Variants in FCAR observed in about 807,000 individuals in gnomAD.
FCAR encodes the protein immunoglobulin alpha Fc receptor.
In FCAR, 21 loss-of-function variants were observed where a neutral mutation model predicts 27.1. That is an observed-to-expected ratio of 0.77 (90% CI 0.55 to 1.11). The LOEUF (loss-of-function observed/expected upper bound fraction) is 1.11. Among genes scored for constraint, FCAR ranks in the 50% most tolerant of loss-of-function variants. FCAR has a pLI of 0.00. For missense variants in FCAR, 404 were observed against 358.4 expected (o/e 1.13, Z -1.03); for synonymous variants, 134 against 135.8 (o/e 0.99, Z 0.09).
At chr19:54,885,127 A>T in intron 2 of FCAR, 108 bp from the exon 3 acceptor site, 3 of 989,964 alleles carry the variant, frequency 3.0e-6, no homozygotes, top group Non-Finnish European at 4.4e-6. Flanking sequence ...TTAAATAAAG[A>T]ATGGTAGGTT....
intron 2 of FCAR, among the ~76,000 whole-genome samples, chr19:54,877,918 TG>T (rs949585910): frequency 1.2e-4 from 18 of 149,126 alleles, no homozygotes; most frequent in Non-Finnish European, 2.2e-4. Context: ...TGCTAAGGAT[TG>T]TTTTTTTTTT....
intron 2 of FCAR, among the ~76,000 whole-genome samples, chr19:54,878,246 T>A (rs965195161): frequency 6.6e-6 from 1 of 152,188 alleles, no homozygotes; most frequent in African/African-American, 2.4e-5. Context: ...TCTGATTGTA[T>A]GATTGACTTT....
Position 54,887,905 on chromosome 19 carries a change from G to A in FCAR, c.362-102G>A, listed in dbSNP as rs1004210811. The A allele has an allele frequency of 5.1e-5, 49 of 959,374 alleles. 1 individual carries two copies. The highest frequency in any genetic ancestry group is 6.6e-5 in the Non-Finnish European group (45 of 681,974). The allele number at this position is 959,374 out of a possible 1,614,324, so 59.4% of individuals were successfully genotyped here. The stretch of plus-strand genomic sequence containing the variant: ...GCACTCCAGCTTGGGCAATAAGAGC[G>A]AAACTCCATCTCAAAAAAATATATA... On this transcript the variant is annotated intron_variant, in intron 3 of 4. Transcript: ENST00000355524.
chr19:54,882,232 C>G (rs913016862), intron 2 of FCAR, among the ~76,000 whole-genome samples: 4 of 152,164 alleles, frequency 2.6e-5, no homozygotes, highest in African/African-American at 9.7e-5. Flanking sequence ...AAAAAGAATT[C>G]TGGGAACTCA....
At chr19:54,883,734 T>A (rs1358029617) in intron 2 of FCAR, among the ~76,000 whole-genome samples, 2 of 151,758 alleles carry the variant, frequency 1.3e-5, no homozygotes, top group Admixed American at 6.6e-5. Flanking sequence ...ATGGGCAGAT[T>A]GCGAAGTCAG....
At chr19:54,881,767 G>T (rs1275716475) in intron 2 of FCAR, among the ~76,000 whole-genome samples, 3 of 152,154 alleles carry the variant, frequency 2.0e-5, no homozygotes, top group African/African-American at 7.2e-5. Flanking sequence ...AGCTACTCGG[G>T]AGGAGGATGA....
Position 54,887,990 on chromosome 19 carries a change from ACT to A in FCAR, c.362-14_362-13del. On this transcript the variant is annotated splice_polypyrimidine_tract_variant and intron_variant, in intron 3 of 4. Transcript: ENST00000355524. Reference sequence around the variant, plus strand: ...GGAGAAAAGGTCTTTCTAATAGCTCACTCTTTTCTCTCTTAGGCTTGTATGGC... The same window carrying A: ...GGAGAAAAGGTCTTTCTAATAGCTCACTTTTCTCTCTTAGGCTTGTATGGC... 1.3e-6 allele frequency: 2 copies of A among 1,577,452 alleles called. No homozygotes were observed. The highest frequency in any genetic ancestry group is 1.7e-6 in the Non-Finnish European group (2 of 1,159,812).
At position 54,883,552 on chromosome 19, in the gene FCAR, C is replaced by T. The variant is rs138062804; in HGVS notation, c.71-1683C>T. ...AAATCAGGTGTTTCACCCCTCTGAA[C>T]GTTCTGAGAATGAGGGCTCCTCACG... On this transcript the variant is annotated intron_variant, in intron 2 of 4. Coordinates refer to ENST00000355524, the MANE Select transcript of FCAR (RefSeq NM_002000.4). 7.9e-5 allele frequency among the ~76,000 whole-genome samples: 12 copies of T among 152,264 alleles called. No homozygotes were observed. In the East Asian group the frequency reaches 2.3e-3, roughly 29 times the overall value.
chr19:54,875,887 A>G (rs374719231), intron 2 of FCAR, among the ~76,000 whole-genome samples: 1 of 152,130 alleles, frequency 6.6e-6, no homozygotes, highest in Admixed American at 6.5e-5. Context: ...ACGTCCATCC[A>G]TGTCTTCTCT....
chr19:54,881,866 G>C (rs1229722339), intron 2 of FCAR, among the ~76,000 whole-genome samples: 1 of 146,940 alleles, frequency 6.8e-6, no homozygotes, highest in Non-Finnish European at 1.5e-5. Flanking sequence ...GGGCGACAGA[G>C]CGAGACTCCG....
chr19:54,880,130 A>T (rs889244379), intron 2 of FCAR, among the ~76,000 whole-genome samples: 2 of 152,194 alleles, frequency 1.3e-5, no homozygotes, highest in African/African-American at 4.8e-5. Context: ...AGTTTTCATG[A>T]ACAATACACT....
At chr19:54,877,570 CT>C (rs1337288345) in intron 2 of FCAR, among the ~76,000 whole-genome samples, 1 of 152,064 alleles carries the variant, frequency 6.6e-6, no homozygotes, top group African/African-American at 2.4e-5. Flanking sequence ...CTTCTGAATG[CT>C]TTTTCGTGTC....
chr19:54,884,877 G>A (rs2066615312), intron 2 of FCAR, among the ~76,000 whole-genome samples: 1 of 151,798 alleles, frequency 6.6e-6, no homozygotes, highest in Admixed American at 6.6e-5. Context: ...TGTGATCTCG[G>A]CTCACTGCAA....
chr19:54,877,755 C>G (rs2066175764), intron 2 of FCAR, among the ~76,000 whole-genome samples: 1 of 152,174 alleles, frequency 6.6e-6, no homozygotes, highest in Non-Finnish European at 1.5e-5. Flanking sequence ...CCCCTTAACA[C>G]TGCCTTAGCT....
At chr19:54,886,550 G>T (rs1024428601) in intron 3 of FCAR, among the ~76,000 whole-genome samples, 2 of 151,858 alleles carry the variant, frequency 1.3e-5, no homozygotes, top group South Asian at 4.2e-4. Flanking sequence ...CTCGTGATCC[G>T]CCCGCCTGGC....
chr19:54,887,197 T>C (rs59401716), intron 3 of FCAR, among the ~76,000 whole-genome samples: 48,140 of 151,708 alleles, frequency 0.32, 7,907 homozygotes, highest in Admixed American at 0.44. Flanking sequence ...GTAGTCTCAG[T>C]TACTTGAGAG....
At chr19:54,878,855 A>G (rs781035286) in intron 2 of FCAR, among the ~76,000 whole-genome samples, 5 of 142,430 alleles carry the variant, frequency 3.5e-5, no homozygotes, top group Non-Finnish European at 7.5e-5. Flanking sequence ...TCTTATAGGC[A>G]GCATAATGTT....
chr19:54,885,322 G>T lies in FCAR; in HGVS notation c.158G>T (p.Arg53Leu). ...GTGAAAATCCAGTGCCAGGCCATTC[G>T]TGAAGCTTACCTGACCCAGCTGATG... ...GSVKIQCQAIREAYLTQLMII... is the reference protein window; with the variant it reads ...GSVKIQCQAILEAYLTQLMII... The change falls in exon 3 of 5, where the codon CGT (arginine) becomes CTT (leucine). Residue 53 changes from arginine to leucine, a missense_variant. By Grantham distance (102) the Arg-to-Leu change is moderately radical. Coordinates refer to ENST00000355524, the MANE Select transcript of FCAR (RefSeq NM_002000.4). 1 of 1,614,020 alleles carries T rather than the reference G, an allele frequency of 6.2e-7. No homozygotes were observed.
intron 2 of FCAR, among the ~76,000 whole-genome samples, chr19:54,880,297 A>T (rs1269525332): frequency 6.6e-6 from 1 of 152,110 alleles, no homozygotes; most frequent in Non-Finnish European, 1.5e-5. Context: ...TAGTTCAGAG[A>T]GCCAGTATTC....
Sources: gnomAD v4.1 joint callset for allele counts (sites outside exome capture counted in the v4.1 genomes callset) on GRCh38, gnomAD v4.1.1 for gene constraint, MANE v1.5 for transcripts, NCBI Gene and HGNC (gene_info 2026-07-23, HGNC 2026-07-21) for gene names.